MRTFB: variants seen among roughly 807,000 people sequenced by gnomAD.
MRTFB encodes the protein myocardin-related transcription factor B.
Under a neutral mutation model 104.2 loss-of-function variants are expected in MRTFB, and 29 were observed. The observed-to-expected ratio is 0.28, with a 90% confidence interval of 0.21 to 0.38. The LOEUF is 0.38. Ranked by LOEUF, MRTFB falls within the 10% of genes least tolerant of loss-of-function variation. The pLI, the probability that MRTFB is intolerant of heterozygous loss-of-function variation, is 1.00. For synonymous variants in MRTFB, 535 were observed against 519.5 expected, an observed-to-expected ratio of 1.03 and a Z score of -0.41; for missense variants, 1,270 against 1,341.6, an observed-to-expected ratio of 0.95 and a Z score of 0.83.
At chr16:14,071,610 G>A (rs1292353777) in intron 1 of MRTFB, among the ~76,000 whole-genome samples, 1 of 152,038 alleles carries the variant, frequency 6.6e-6, no homozygotes, top group African/African-American at 2.4e-5. Context: ...CGCGACCCCG[G>A]GGCCGCCTCA....
chr16:14,092,804 A>G (rs901811342), intron 2 of MRTFB: 1 of 152,218 alleles, frequency 6.6e-6, no homozygotes, highest in African/African-American at 2.4e-5. Flanking sequence ...GCTTTGATCA[A>G]CTGTGGAGAT....
chr16:14,255,116 A>G (rs894110072), intron 15 of MRTFB, among the ~76,000 whole-genome samples: 1 of 152,254 alleles, frequency 6.6e-6, no homozygotes, highest in African/African-American at 2.4e-5. Flanking sequence ...TCCAATCTGA[A>G]TAACAGAGAT....
chr16:14,162,174 A>AAG (rs2039067037), intron 3 of MRTFB, among the ~76,000 whole-genome samples: 1 of 148,018 alleles, frequency 6.8e-6, no homozygotes, highest in Non-Finnish European at 1.5e-5. Flanking sequence ...AAAAAAAAAA[A>AAG]TTATTTTTTA....
chr16:14,155,422 G>C (rs1380831283), intron 3 of MRTFB, among the ~76,000 whole-genome samples: 1 of 151,872 alleles, frequency 6.6e-6, no homozygotes, highest in Non-Finnish European at 1.5e-5. Flanking sequence ...TTCTGGGTCT[G>C]TTTTTATTGA....
At chr16:14,101,749 C>G (rs2035714730) in intron 2 of MRTFB, among the ~76,000 whole-genome samples, 1 of 152,158 alleles carries the variant, frequency 6.6e-6, no homozygotes, top group African/African-American at 2.4e-5. Flanking sequence ...CCACTGAAAA[C>G]TTAGGGTCAC....
chr16:14,036,384 G>A, the MRTFB span, among the ~76,000 whole-genome samples: 2 of 137,738 alleles, frequency 1.5e-5, no homozygotes, highest in Non-Finnish European at 3.1e-5. Context: ...AACCTGCCAA[G>A]CTCAAAATAA....
At chr16:14,207,297 A>C (rs1179590268) in intron 3 of MRTFB, among the ~76,000 whole-genome samples, 2 of 152,208 alleles carry the variant, frequency 1.3e-5, no homozygotes, top group Non-Finnish European at 2.9e-5. Flanking sequence ...TTGTTTGGCC[A>C]CATAGAAAAT....
At chr16:14,127,949 T>C (rs2037240547) in intron 2 of MRTFB, among the ~76,000 whole-genome samples, 1 of 133,076 alleles carries the variant, frequency 7.5e-6, no homozygotes, top group Non-Finnish European at 1.7e-5. Flanking sequence ...TTTTTTTTTT[T>C]TTCTTTTTTT....
At chr16:14,003,012 G>T in the MRTFB span, among the ~76,000 whole-genome samples, 2 of 152,186 alleles carry the variant, frequency 1.3e-5, no homozygotes, top group African/African-American at 2.4e-5. Flanking sequence ...AGAGAGAAAA[G>T]ATGAGACAGG....
At chr16:14,185,217 TGAC>T (rs2039910494) in intron 3 of MRTFB, among the ~76,000 whole-genome samples, 1 of 152,178 alleles carries the variant, frequency 6.6e-6, no homozygotes, top group Non-Finnish European at 1.5e-5. Context: ...GAATTTCAGT[TGAC>T]AAGAAGCATG....
At chr16:14,125,033 G>C (rs182962047) in intron 2 of MRTFB, among the ~76,000 whole-genome samples, 4 of 152,278 alleles carry the variant, frequency 2.6e-5, no homozygotes, top group Admixed American at 6.5e-5. Flanking sequence ...ATACCTAGTA[G>C]AATTCCCTTA....
intron 3 of MRTFB, among the ~76,000 whole-genome samples, chr16:14,167,528 T>TTTGCTTTTGTTACAA (rs2039285414): frequency 6.6e-6 from 1 of 152,324 alleles, no homozygotes; most frequent in Non-Finnish European, 1.5e-5. Context: ...TTTGTCAATT[T>TTTGCTTTTGTTACAA]TTGCTTTTGT....
intron 3 of MRTFB, among the ~76,000 whole-genome samples, chr16:14,171,388 G>C (rs372874797): frequency 6.6e-6 from 1 of 152,060 alleles, no homozygotes; most frequent in Non-Finnish European, 1.5e-5. Flanking sequence ...CCAGCTACTC[G>C]GGATGCTGAG....
the MRTFB span, among the ~76,000 whole-genome samples, chr16:14,039,442 G>A: frequency 6.6e-6 from 1 of 152,050 alleles, no homozygotes; most frequent in Non-Finnish European, 1.5e-5. Flanking sequence ...ATTGTGGGAG[G>A]GAACAACACA....
chr16:14,028,523 A>G, the MRTFB span, among the ~76,000 whole-genome samples: 4 of 152,178 alleles, frequency 2.6e-5, no homozygotes, highest in Non-Finnish European at 4.4e-5. Flanking sequence ...TATTCTGGCC[A>G]TTCGGTTTGG....
At chr16:14,232,254 A>T (rs1381746839) in intron 8 of MRTFB, among the ~76,000 whole-genome samples, 1 of 152,202 alleles carries the variant, frequency 6.6e-6, no homozygotes, top group African/African-American at 2.4e-5. Context: ...CCAGTTACAT[A>T]ATAGCCAAGG....
intron 3 of MRTFB, among the ~76,000 whole-genome samples, chr16:14,159,506 C>A (rs1054026532): frequency 6.6e-6 from 1 of 152,160 alleles, no homozygotes; most frequent in African/African-American, 2.4e-5. Flanking sequence ...TCTCCCTTTA[C>A]TAGTTCTGTA....
At chr16:14,178,511 G>A (rs891135781) in intron 3 of MRTFB, among the ~76,000 whole-genome samples, 14 of 152,216 alleles carry the variant, frequency 9.2e-5, no homozygotes, top group Admixed American at 6.5e-4. Flanking sequence ...TACCTTTGCC[G>A]TAACTCCCAA....
At position 14,211,858 on chromosome 16, in the gene MRTFB, A is replaced by G. The variant is rs117223906; in HGVS notation, c.221-496A>G. Among the ~76,000 whole-genome samples, 34 of 152,268 alleles carry G rather than the reference A, an allele frequency of 2.2e-4. No homozygotes were observed. In the East Asian group the frequency reaches 5.6e-3, roughly 25 times the overall value. On this transcript the variant is annotated intron_variant, in intron 4 of 16. Coordinates refer to ENST00000571589, the MANE Select transcript of MRTFB (RefSeq NM_001308142.2). ...TCTTTGAGCCTTTCACCTCCTTGCAAGGTTATTGCAGGGACCAACAGCAAC... is the reference window on the plus strand; with the variant it reads ...TCTTTGAGCCTTTCACCTCCTTGCAGGGTTATTGCAGGGACCAACAGCAAC...
Sources: allele counts gnomAD v4.1 joint callset (sites outside exome capture counted in the v4.1 genomes callset), GRCh38; gene constraint gnomAD v4.1.1; transcripts MANE v1.5; gene names NCBI Gene and HGNC (gene_info 2026-07-23, HGNC 2026-07-21).